ATP6V1C2: variants seen among roughly 807,000 people sequenced by gnomAD.
The protein encoded by ATP6V1C2 is ATPase H+ transporting V1 subunit C2.
Under a neutral mutation model 56.8 loss-of-function variants are expected in ATP6V1C2, and 45 were observed. That is an observed-to-expected ratio of 0.79 (90% CI 0.62 to 1.02). ATP6V1C2 has a LOEUF of 1.02. ATP6V1C2 is among the 50% of genes least tolerant of loss of function. The probability of loss-of-function intolerance (pLI) is 0.00; values close to 1 mark genes in which losing one functional copy is unlikely to be tolerated. For missense variants in ATP6V1C2, 463 were observed against 519.7 expected (o/e 0.89, Z 1.06); for synonymous variants, 220 against 201.3 (o/e 1.09, Z -0.79).
intron 4 of ATP6V1C2, among the ~76,000 whole-genome samples, chr2:10,760,055 A>G (rs1301366198): frequency 6.7e-6 from 1 of 150,348 alleles, no homozygotes; most frequent in Non-Finnish European, 1.5e-5. Context: ...GCTTTTTGAA[A>G]AAAAATATAT....
In ATP6V1C2 at chr2:10,783,162, C is replaced by CT. The variant is rs749610089; in HGVS notation, c.1195-10dup. ...TTATGCACTTAGAGCATTACCATGT[C>CT]TTCTTTTGTAGGCATCTGTGGAGAT... On this transcript the variant is annotated splice_polypyrimidine_tract_variant and intron_variant, in intron 13 of 13. Transcript: ENST00000272238. 11 of 1,605,188 alleles carry CT rather than the reference C, an allele frequency of 6.9e-6. No individual in the cohort carries two copies. In the Admixed American group the frequency reaches 1.8e-4, roughly 27 times the overall value.
At chr2:10,722,649 C>T in intron 1 of ATP6V1C2, 175 bp from the exon 2 acceptor site, 2 of 623,416 alleles carry the variant, frequency 3.2e-6, no homozygotes, top group Admixed American at 3.2e-5. Context: ...TTTGGAGTTT[C>T]GGGAACACCT....
At chr2:10,776,203 A>G (rs905444310) in intron 10 of ATP6V1C2, among the ~76,000 whole-genome samples, 6 of 146,354 alleles carry the variant, frequency 4.1e-5, no homozygotes, top group Non-Finnish European at 7.6e-5. Context: ...AGCTGATAAT[A>G]TACAAGTTTA....
At chr2:10,729,127 CAA>C (rs569247167) in intron 3 of ATP6V1C2, among the ~76,000 whole-genome samples, 2 of 132,876 alleles carry the variant, frequency 1.5e-5, no homozygotes, top group Non-Finnish European at 3.2e-5. Context: ...GACTTTGTCT[CAA>C]AAAAAAAAAA....
chr2:10,724,721 G>A (rs1661545506), intron 2 of ATP6V1C2, among the ~76,000 whole-genome samples: 1 of 150,348 alleles, frequency 6.7e-6, no homozygotes, highest in African/African-American at 2.5e-5. Flanking sequence ...CACCCAGGCT[G>A]GAATGCCGTG....
chr2:10,775,140 G>GTCTCCAGC, intron 10 of ATP6V1C2, 69 bp downstream of exon 10: 1 of 1,179,266 alleles, frequency 8.5e-7, no homozygotes, highest in East Asian at 2.3e-5. Flanking sequence ...GTCCTCCCAG[G>GTCTCCAGC]TCTCCAGCTC....
At chr2:10,737,106 T>C (rs1558391334) in intron 3 of ATP6V1C2, among the ~76,000 whole-genome samples, 1 of 145,926 alleles carries the variant, frequency 6.9e-6, no homozygotes, top group Non-Finnish European at 1.5e-5. Context: ...TCTAATTCTG[T>C]TGCTTTGTTA....
chr2:10,750,495 G>C (rs1247049844), intron 3 of ATP6V1C2, among the ~76,000 whole-genome samples: 1 of 150,204 alleles, frequency 6.7e-6, no homozygotes, highest in Non-Finnish European at 1.5e-5. Flanking sequence ...CAGCCTGGGC[G>C]ACAGGGTGAG....
At chr2:10,721,284 G>C, upstream of ATP6V1C2, among the ~76,000 whole-genome samples, 1 of 152,196 alleles carries the variant, frequency 6.6e-6, no homozygotes, top group East Asian at 1.9e-4. Flanking sequence ...GCGGGGCTGC[G>C]GCGGCCGCAG....
At chr2:10,782,409 A>C (rs374149185) in intron 13 of ATP6V1C2, 34 bp downstream of exon 13, 5 of 1,610,038 alleles carry the variant, frequency 3.1e-6, no homozygotes, top group Non-Finnish European at 4.2e-6. Flanking sequence ...TTTCTACAGT[A>C]AGCTCAGCAT....
intron 2 of ATP6V1C2, among the ~76,000 whole-genome samples, chr2:10,725,903 A>C (rs1661613267): frequency 6.6e-6 from 1 of 151,262 alleles, no homozygotes; most frequent in African/African-American, 2.4e-5. Flanking sequence ...AACATGGAGA[A>C]ACCCTGTCTC....
intron 3 of ATP6V1C2, among the ~76,000 whole-genome samples, chr2:10,744,669 C>CTT (rs772851204): frequency 0.13 from 15,751 of 125,460 alleles, 1,413 homozygotes; most frequent in South Asian, 0.21. Context: ...TTCTCTTTTT[C>CTT]TTTTTTTTTT....
intron 4 of ATP6V1C2, chr2:10,757,459 A>G (rs1663623269): frequency 2.5e-6 from 1 of 398,516 alleles, no homozygotes; most frequent in African/African-American, 2.1e-5. Flanking sequence ...TTTAAAGAGT[A>G]GGTTATGCAT....
At chr2:10,767,183 C>A in intron 5 of ATP6V1C2, among the ~76,000 whole-genome samples, 1 of 73,614 alleles carries the variant, frequency 1.4e-5, no homozygotes, top group Non-Finnish European at 2.5e-5. Context: ...TTTTTTGAGG[C>A]AGAGTCTCAC....
Position 10,776,645 on chromosome 2 carries a change from G to A in ATP6V1C2, c.826-940G>A, listed in dbSNP as rs1002589140. Among the ~76,000 whole-genome samples, 12 of 152,340 alleles carry A rather than the reference G, an allele frequency of 7.9e-5. 1 individual carries two copies. Among genetic ancestry groups the A allele is most frequent in the South Asian group, 4.1e-4 (2 of 4,830 alleles). ...TTCAGTCCTGGTCCCAACCCCCTGC[G>A]CAGTATCTCTGGACGGGGCTAGACC... On this transcript the variant is annotated intron_variant, in intron 10 of 13. Coordinates refer to ENST00000272238, the MANE Select transcript of ATP6V1C2 (RefSeq NM_001039362.2).
intron 3 of ATP6V1C2, among the ~76,000 whole-genome samples, chr2:10,749,718 A>G (rs2148451352): frequency 6.6e-6 from 1 of 152,290 alleles, no homozygotes; most frequent in South Asian, 2.1e-4. Context: ...TTTTAAATGC[A>G]CTTTTCTTTT....
At chr2:10,759,278 C>A (rs927064880) in intron 4 of ATP6V1C2, among the ~76,000 whole-genome samples, 9 of 152,188 alleles carry the variant, frequency 5.9e-5, no homozygotes, top group African/African-American at 2.2e-4. Context: ...GAGCTGGGAG[C>A]AGGAAGGACA....
chr2:10,726,677 G>T (rs919294661), intron 3 of ATP6V1C2, 108 bp downstream of exon 3: 5 of 1,040,414 alleles, frequency 4.8e-6, no homozygotes, highest in South Asian at 2.7e-5. Context: ...TCTAGACCTG[G>T]TTCCAAAAGT....
intron 4 of ATP6V1C2, among the ~76,000 whole-genome samples, chr2:10,757,607 T>C (rs1663630174): frequency 6.6e-6 from 1 of 152,232 alleles, no homozygotes; most frequent in Non-Finnish European, 1.5e-5. Context: ...AATATCCATA[T>C]GACACAGATA....
Sources: gnomAD v4.1 joint callset for allele counts (sites outside exome capture counted in the v4.1 genomes callset) on GRCh38, gnomAD v4.1.1 for gene constraint, MANE v1.5 for transcripts, NCBI Gene and HGNC (gene_info 2026-07-23, HGNC 2026-07-21) for gene names.